CEP112: variants seen among roughly 807,000 people sequenced by gnomAD.
The protein encoded by CEP112 is centrosomal protein 112.
In CEP112, 127 loss-of-function variants were observed where a neutral mutation model predicts 153.0. The observed-to-expected ratio is 0.83, with a 90% CI of 0.72 to 0.96. CEP112 has a LOEUF of 0.96. Ranked by LOEUF, CEP112 falls within the 40% of genes least tolerant of loss-of-function variation. The pLI, the probability that CEP112 is intolerant of heterozygous loss-of-function variation, is 0.00. For missense variants in CEP112, 1,089 were observed against 1,101.2 expected (o/e 0.99, Z 0.16); for synonymous variants, 358 against 374.4 (o/e 0.96, Z 0.51).
At chr17:65,952,883 C>CT (rs2061883842) in intron 18 of CEP112, among the ~76,000 whole-genome samples, 1 of 152,262 alleles carries the variant, frequency 6.6e-6, no homozygotes, top group African/African-American at 2.4e-5. Flanking sequence ...TATTGAGCAT[C>CT]TTTTCATGTG....
chr17:65,636,066 G>A (rs1260132917), intron 26 of CEP112, 92 bp from the exon 27 acceptor site: 1 of 1,219,482 alleles, frequency 8.2e-7, no homozygotes, highest in East Asian at 2.5e-5. Flanking sequence ...AGTTGATAGG[G>A]GTTGAAAAGG....
intron 12 of CEP112, 111 bp downstream of exon 12, chr17:66,053,625 T>C (rs2066542504): frequency 8.9e-7 from 1 of 1,127,704 alleles, no homozygotes; most frequent in East Asian, 2.5e-5. Context: ...AAAGTTTTTC[T>C]TTTGATTCTG....
At chr17:65,775,164 T>C (rs2053605570) in intron 21 of CEP112, among the ~76,000 whole-genome samples, 1 of 152,102 alleles carries the variant, frequency 6.6e-6, no homozygotes, top group Admixed American at 6.5e-5. Flanking sequence ...CCTGAAGCCG[T>C]AGCAAGCTCA....
chr17:65,742,875 C>T lies in CEP112; in HGVS notation c.2607+193G>A, dbSNP rs2051213183. Among the ~76,000 whole-genome samples, 4 of 152,184 alleles carry T rather than the reference C, an allele frequency of 2.6e-5. No individual in the cohort carries two copies. In the South Asian group the frequency reaches 6.2e-4, roughly 24 times the overall value. ...TGCCAAAAATGACTTTTTATGCTGG[C>T]ATGCGATCTCTTAGAGGGAAGTCAG... On this transcript the variant is annotated intron_variant, in intron 23 of 26. Coordinates refer to ENST00000535342, the MANE Select transcript of CEP112 (RefSeq NM_001199165.4).
At chr17:65,637,665 C>T (rs1393837475) in intron 25 of CEP112, among the ~76,000 whole-genome samples, 3 of 152,234 alleles carry the variant, frequency 2.0e-5, no homozygotes, top group Non-Finnish European at 2.9e-5. Context: ...CCAGCGGTCC[C>T]CTCCTCTGTG....
At chr17:65,653,821 G>A (rs1206260108) in intron 24 of CEP112, among the ~76,000 whole-genome samples, 3 of 152,012 alleles carry the variant, frequency 2.0e-5, no homozygotes, top group South Asian at 2.1e-4. Flanking sequence ...AGCACTTTGG[G>A]AGCCAGAGGC....
rs74004945 is a variant in CEP112, at chr17:65,858,083, A to G, written c.2164-6049T>C. Reference sequence around the variant, plus strand: ...CTACAACTTGGTGATTACATACGTTATTTTTATACATTATTGGACTTGATT... The same window carrying G: ...CTACAACTTGGTGATTACATACGTTGTTTTTATACATTATTGGACTTGATT... On this transcript the variant is annotated intron_variant, in intron 20 of 26. Transcript: ENST00000535342. 6.3e-3 allele frequency among the ~76,000 whole-genome samples: 966 copies of G among 152,242 alleles called. 10 individuals carry two copies. The highest frequency in any genetic ancestry group is 0.022 in the African/African-American group (909 of 41,530).
intron 9 of CEP112, 70 bp from the exon 10 acceptor site, chr17:66,066,947 A>T (rs1437712854): frequency 5.3e-6 from 5 of 951,754 alleles, no homozygotes; most frequent in Non-Finnish European, 5.8e-6. Context: ...TTGAATCCTG[A>T]TATATTTAAT....
intron 20 of CEP112, among the ~76,000 whole-genome samples, chr17:65,854,320 A>C (rs1273497594): frequency 6.6e-6 from 1 of 152,246 alleles, no homozygotes; most frequent in African/African-American, 2.4e-5. Flanking sequence ...TATTATATTC[A>C]TCCAATTTTT....
At chr17:65,725,269 C>A (rs1180905632) in intron 23 of CEP112, among the ~76,000 whole-genome samples, 5 of 151,986 alleles carry the variant, frequency 3.3e-5, no homozygotes, top group African/African-American at 1.2e-4. Context: ...TGAAAACAAG[C>A]AATAATAGGT....
At chr17:65,997,857 G>A (rs1421955196) in intron 17 of CEP112, among the ~76,000 whole-genome samples, 1 of 151,114 alleles carries the variant, frequency 6.6e-6, no homozygotes, top group Non-Finnish European at 1.5e-5. Context: ...TAAAATATTG[G>A]AAAGCAAAGT....
rs2051224772 is a variant in CEP112, at chr17:65,743,082, C to T, written c.2593G>A (p.Asp865Asn). 6.2e-7 allele frequency: 1 copy of T among 1,609,198 alleles called. No homozygotes were observed. Among genetic ancestry groups the T allele is most frequent in the Non-Finnish European group, 8.5e-7 (1 of 1,178,358 alleles). ...CTTCAGATTACCTTGATTGCTTGGT[C>T]ATTATCTCTAATCAGCTGCTTCTTC... ...DEKKQLIRDN[D>N]QAIKVLQDEL... Residue 865 changes from aspartate to asparagine, a missense_variant, in exon 23 of 27, where the codon GAC becomes AAC. Asp to Asn is a conservative substitution (Grantham distance 23). Coordinates refer to ENST00000535342, the MANE Select transcript of CEP112 (RefSeq NM_001199165.4).
chr17:65,693,948 C>G (rs2048242938), intron 23 of CEP112, among the ~76,000 whole-genome samples: 1 of 152,064 alleles, frequency 6.6e-6, no homozygotes, highest in Non-Finnish European at 1.5e-5. Context: ...CAGGCTCTCC[C>G]CAGACCCTGA....
chr17:65,962,655 C>T (rs927099380), intron 17 of CEP112, among the ~76,000 whole-genome samples: 8 of 152,182 alleles, frequency 5.3e-5, no homozygotes, highest in South Asian at 2.1e-4. Context: ...ATAATTCCCA[C>T]GTGTTGTGGG....
At chr17:65,732,102 A>G (rs1251770929) in intron 23 of CEP112, among the ~76,000 whole-genome samples, 2 of 152,216 alleles carry the variant, frequency 1.3e-5, no homozygotes, top group Admixed American at 1.3e-4. Context: ...TATGGCAGCT[A>G]CAGTCTTATG....
At chr17:65,662,685 T>C (rs933274362) in intron 24 of CEP112, among the ~76,000 whole-genome samples, 1 of 152,178 alleles carries the variant, frequency 6.6e-6, no homozygotes, top group African/African-American at 2.4e-5. Flanking sequence ...GCCAGCTTTT[T>C]TCTTTACTTC....
intron 20 of CEP112, among the ~76,000 whole-genome samples, chr17:65,894,082 G>C (rs997736097): frequency 6.6e-5 from 10 of 152,182 alleles, no homozygotes; most frequent in African/African-American, 2.2e-4. Context: ...AGGAAGAAGA[G>C]TTATTCATCC....
intron 4 of CEP112, among the ~76,000 whole-genome samples, chr17:66,156,465 C>A (rs4513135): frequency 6.6e-6 from 1 of 152,054 alleles, no homozygotes; most frequent in African/African-American, 2.4e-5. Context: ...AAAACCAGAA[C>A]GCCTCTTCTC....
At chr17:65,883,706 A>G (rs1007157062) in intron 20 of CEP112, among the ~76,000 whole-genome samples, 1 of 152,170 alleles carries the variant, frequency 6.6e-6, no homozygotes, top group Non-Finnish European at 1.5e-5. Context: ...CTATGAAAGG[A>G]TTTTAAGCAG....
Sources: allele counts gnomAD v4.1 joint callset (sites outside exome capture counted in the v4.1 genomes callset), GRCh38; gene constraint gnomAD v4.1.1; transcripts MANE v1.5; gene names NCBI Gene and HGNC (gene_info 2026-07-23, HGNC 2026-07-21).